Variants in UBE2G1 observed in about 807,000 individuals in gnomAD.
UBE2G1 encodes the protein ubiquitin-conjugating enzyme E2 G1.
Under a neutral mutation model 22.7 loss-of-function variants are expected in UBE2G1, and 5 were observed. The ratio of observed to expected loss-of-function variants is 0.22; its 90% confidence interval spans 0.12 to 0.46. The LOEUF (loss-of-function observed/expected upper bound fraction) is 0.46. Ranked by LOEUF, UBE2G1 falls within the 20% of genes least tolerant of loss-of-function variation. The pLI is 0.99. For missense variants in UBE2G1, 88 were observed against 203.9 expected (o/e 0.43, Z 3.46); for synonymous variants, 74 against 67.5 (o/e 1.10, Z -0.47).
chr17:4,354,787 A>G (rs1401047143), intron 1 of UBE2G1, among the ~76,000 whole-genome samples: 5 of 152,050 alleles, frequency 3.3e-5, no homozygotes, highest in African/African-American at 1.2e-4. Context: ...ATTTTTTTTA[A>G]TTTGCTGAGC....
At chr17:4,286,187 C>T (rs1968960898) in intron 4 of UBE2G1, among the ~76,000 whole-genome samples, 1 of 152,000 alleles carries the variant, frequency 6.6e-6, no homozygotes, top group Non-Finnish European at 1.5e-5. Context: ...AGTGGATCAC[C>T]TGAGGTCAGG....
At chr17:4,347,488 T>TTTTTTTTTTTC (rs1969792069) in intron 1 of UBE2G1, among the ~76,000 whole-genome samples, 1 of 141,932 alleles carries the variant, frequency 7.0e-6, no homozygotes, top group Non-Finnish European at 1.5e-5. Flanking sequence ...TTTTTTTTTT[T>TTTTTTTTTTTC]TTTGGACATA....
At chr17:4,357,338 A>G (rs1200395962) in intron 1 of UBE2G1, among the ~76,000 whole-genome samples, 1 of 152,022 alleles carries the variant, frequency 6.6e-6, no homozygotes, top group Non-Finnish European at 1.5e-5. Context: ...TTGTTAGACT[A>G]ACATAAATTA....
chr17:4,349,704 G>A lies in UBE2G1; in HGVS notation c.46+16567C>T, dbSNP rs139216430. ...TAAAAATACAAAAAATTAGCCGGGC[G>A]TGGTGGCATGCACCAGTAGTCCCAG... On this transcript the variant is annotated intron_variant, in intron 1 of 5. Coordinates refer to ENST00000396981, the MANE Select transcript of UBE2G1 (RefSeq NM_003342.5). Among the ~76,000 whole-genome samples the A allele has an allele frequency of 4.9e-3, 747 of 151,926 alleles. 5 individuals are homozygous for A. The highest frequency in any genetic ancestry group is 0.017 in the African/African-American group (695 of 41,440).
chr17:4,347,469 CTTTTTTTTTTTTTT>C (rs34014821), intron 1 of UBE2G1, among the ~76,000 whole-genome samples: 3 of 89,556 alleles, frequency 3.3e-5, no homozygotes, highest in Non-Finnish European at 6.1e-5. Flanking sequence ...AGTATTTCTT[CTTTTTTTTTTTTTT>C]TTTTTTTTGG....
At chr17:4,312,393 A>C (rs1969320056) in intron 1 of UBE2G1, among the ~76,000 whole-genome samples, 1 of 152,120 alleles carries the variant, frequency 6.6e-6, no homozygotes, top group Non-Finnish European at 1.5e-5. Flanking sequence ...AATATTAACA[A>C]CTGAGAAACA....
At position 4,342,453 on chromosome 17, in the gene UBE2G1, C is replaced by T. The variant is rs569932833; in HGVS notation, c.46+23818G>A. ...CAAAAAATGTTAAACATTAGTCAGG[C>T]GCAGTGGTGCATGCCTATGGTCCCA... On this transcript the variant is annotated intron_variant, in intron 1 of 5. Coordinates refer to ENST00000396981, the MANE Select transcript of UBE2G1 (RefSeq NM_003342.5). Among the ~76,000 whole-genome samples the T allele has an allele frequency of 7.9e-5, 12 of 152,312 alleles. No individual in the cohort carries two copies. In the South Asian group the frequency reaches 2.3e-3, roughly 29 times the overall value.
intron 2 of UBE2G1, among the ~76,000 whole-genome samples, chr17:4,298,825 A>G (rs770443577): frequency 6.6e-6 from 1 of 152,248 alleles, no homozygotes; most frequent in Admixed American, 6.5e-5. Flanking sequence ...AAATGTAGAA[A>G]TGAAGTAAGG....
intron 1 of UBE2G1, among the ~76,000 whole-genome samples, chr17:4,365,487 G>A (rs1970022380): frequency 6.6e-6 from 1 of 152,156 alleles, no homozygotes; most frequent in African/African-American, 2.4e-5. Flanking sequence ...CGACCCGGCC[G>A]CCGCCCCGGG....
chr17:4,360,776 T>A (rs1333670553), intron 1 of UBE2G1, among the ~76,000 whole-genome samples: 1 of 151,992 alleles, frequency 6.6e-6, no homozygotes, highest in Admixed American at 6.5e-5. Context: ...CCAGGTGTAG[T>A]GGCACATGCC....
intron 5 of UBE2G1, among the ~76,000 whole-genome samples, chr17:4,278,784 G>C (rs1968850166): frequency 6.6e-6 from 1 of 152,184 alleles, no homozygotes. Context: ...TGGTAGTAAA[G>C]GGGAGCACTT....
At chr17:4,313,326 A>C (rs1969332512) in intron 1 of UBE2G1, among the ~76,000 whole-genome samples, 1 of 152,238 alleles carries the variant, frequency 6.6e-6, no homozygotes, top group African/African-American at 2.4e-5. Flanking sequence ...TTTGCAAAAT[A>C]GGGAGAAGTT....
In UBE2G1 at chr17:4,272,001, T is replaced by C. The variant is rs1053801099; in HGVS notation, c.*553A>G. The C allele has an allele frequency of 6.6e-6, 1 of 152,338 alleles. No homozygotes were observed. The highest frequency in any genetic ancestry group is 2.4e-5 in the African/African-American group (1 of 41,358). The allele number at this position is 152,338 out of a possible 1,614,324, so 9.4% of individuals were successfully genotyped here. ...GGTAAGAGATAAAAGCAAAGGGGAG[T>C]GTGTCAAAACAAAGAAGATACAAAA... On this transcript the variant is annotated 3_prime_UTR_variant, in exon 6 of 6. Transcript: ENST00000396981.
chr17:4,290,277 T>C (rs1397150131), intron 3 of UBE2G1, among the ~76,000 whole-genome samples: 1 of 152,200 alleles, frequency 6.6e-6, no homozygotes, highest in Admixed American at 6.5e-5. Flanking sequence ...TTTATGTATA[T>C]TTCATTCCTA....
chr17:4,339,493 G>C (rs1238799867), intron 1 of UBE2G1, among the ~76,000 whole-genome samples: 1 of 151,994 alleles, frequency 6.6e-6, no homozygotes, highest in Non-Finnish European at 1.5e-5. Context: ...TAGTAGAGAC[G>C]GGGTTTCAGC....
At chr17:4,301,572 TTG>T (rs1157898833) in intron 2 of UBE2G1, 19 of 1,331,842 alleles carry the variant, frequency 1.4e-5, no homozygotes, top group Non-Finnish European at 2.0e-5. Context: ...CAATGTAGTT[TTG>T]TGTTTCTTTG....
At chr17:4,301,238 G>C (rs1567518353) in intron 2 of UBE2G1, 2 of 357,194 alleles carry the variant, frequency 5.6e-6, no homozygotes, top group Non-Finnish European at 1.1e-5. Context: ...ATGATAGTCA[G>C]AATCACATAG....
At chr17:4,301,690 T>TTA in intron 2 of UBE2G1, 1 of 710,426 alleles carries the variant, frequency 1.4e-6, no homozygotes, top group Non-Finnish European at 2.6e-6. Flanking sequence ...GAATATTTAA[T>TTA]GTTTTTTGGC....
chr17:4,289,436 C>A, intron 3 of UBE2G1, 28 bp from the exon 4 acceptor site: 1 of 1,472,856 alleles, frequency 6.8e-7, no homozygotes, highest in Admixed American at 2.5e-5. Context: ...AGGCTTGTTT[C>A]ATATATTACT....
Sources: gnomAD v4.1 joint callset for allele counts (sites outside exome capture counted in the v4.1 genomes callset) on GRCh38, gnomAD v4.1.1 for gene constraint, MANE v1.5 for transcripts, NCBI Gene and HGNC (gene_info 2026-07-23, HGNC 2026-07-21) for gene names.